TMC1: variants seen among roughly 807,000 people sequenced by gnomAD.
The protein encoded by TMC1 is transmembrane channel-like protein 1.
A neutral mutation model predicts 105.8 loss-of-function variants in TMC1; 84 were observed. The observed-to-expected ratio is 0.79, with a 90% CI of 0.67 to 0.95. The LOEUF is 0.95. TMC1 is among the 40% of genes least tolerant of loss of function. The probability of loss-of-function intolerance (pLI) is 0.00; values close to 1 mark genes in which losing one functional copy is unlikely to be tolerated. For missense variants in TMC1, 817 were observed against 914.1 expected (o/e 0.89, Z 1.37); for synonymous variants, 315 against 311.5 (o/e 1.01, Z -0.12).
intron 1 of TMC1, among the ~76,000 whole-genome samples, chr9:72,533,166 C>G (rs1823526909): frequency 1.3e-5 from 2 of 152,188 alleles, no homozygotes; most frequent in African/African-American, 4.8e-5. Flanking sequence ...GAAGTGCCCT[C>G]TCTTCTTGCT....
At chr9:72,747,258 C>T (rs1298963662) in intron 10 of TMC1, among the ~76,000 whole-genome samples, 1 of 152,112 alleles carries the variant, frequency 6.6e-6, no homozygotes, top group Non-Finnish European at 1.5e-5. Context: ...TAATTCCCTA[C>T]CCCTAAATAG....
chr9:72,562,468 G>A (rs945572248), intron 1 of TMC1, among the ~76,000 whole-genome samples: 1 of 152,142 alleles, frequency 6.6e-6, no homozygotes, highest in Non-Finnish European at 1.5e-5. Context: ...CTGTTTTTCT[G>A]ATGGCTGGAA....
intron 2 of TMC1, among the ~76,000 whole-genome samples, chr9:72,587,847 G>A (rs564701680): frequency 3.3e-5 from 5 of 150,270 alleles, no homozygotes; most frequent in South Asian, 2.1e-4. Context: ...GTGCAGTGGC[G>A]CCATCTCGGC....
chr9:72,797,093 A>G (rs1828384124), intron 17 of TMC1, among the ~76,000 whole-genome samples: 3 of 152,302 alleles, frequency 2.0e-5, no homozygotes, highest in Middle Eastern at 3.4e-3. Context: ...AGAGAGCCAA[A>G]TCATGAATGA....
At chr9:72,598,668 A>C (rs1408465400) in intron 2 of TMC1, among the ~76,000 whole-genome samples, 1 of 152,184 alleles carries the variant, frequency 6.6e-6, no homozygotes, top group East Asian at 1.9e-4. Context: ...CCTGCTAGGA[A>C]GGCCCAACTA....
intron 19 of TMC1, among the ~76,000 whole-genome samples, chr9:72,817,520 C>T (rs890523335): frequency 1.3e-5 from 2 of 152,134 alleles, no homozygotes; most frequent in Non-Finnish European, 2.9e-5. Context: ...AAATGGCTAA[C>T]ACGGCTATGG....
At position 72,837,425 on chromosome 9, in the gene TMC1, G is replaced by C. The variant is rs966997305; in HGVS notation, c.*1452G>C. 6.6e-6 allele frequency: 1 copy of C among 152,142 alleles called. No individual in the cohort carries two copies. Among genetic ancestry groups the C allele is most frequent in the African/African-American group, 2.4e-5 (1 of 41,424 alleles). The allele number at this position is 152,142 out of a possible 1,614,324, so 9.4% of individuals were successfully genotyped here. On this transcript the variant is annotated 3_prime_UTR_variant, in exon 24 of 24. Transcript: ENST00000297784. ...TGACATTCCTGTGGGATGGGTGGTG[G>C]GGGGCCTCTCTTGCCCTGCTTATGT...
chr9:72,691,300 T>C (rs1826463105), intron 6 of TMC1, among the ~76,000 whole-genome samples: 1 of 152,216 alleles, frequency 6.6e-6, no homozygotes, highest in African/African-American at 2.4e-5. Context: ...AATTCATATA[T>C]CTCCATTATA....
intron 12 of TMC1, among the ~76,000 whole-genome samples, chr9:72,760,986 A>C (rs1827747750): frequency 6.6e-6 from 1 of 152,186 alleles, no homozygotes; most frequent in South Asian, 2.1e-4. Context: ...ATGCATGATC[A>C]GCTAGTCTCA....
At chr9:72,694,290 A>G (rs1826513795) in intron 6 of TMC1, among the ~76,000 whole-genome samples, 1 of 152,192 alleles carries the variant, frequency 6.6e-6, no homozygotes, top group South Asian at 2.1e-4. Flanking sequence ...CTTCTTCAAA[A>G]ACTTATTAAA....
intron 4 of TMC1, among the ~76,000 whole-genome samples, chr9:72,638,496 C>T (rs868782964): frequency 1.1e-4 from 17 of 152,262 alleles, no homozygotes; most frequent in African/African-American, 4.1e-4. Context: ...TCATGCTCAC[C>T]GAACTGCAGC....
chr9:72,538,337 A>G (rs1823618640), intron 1 of TMC1, among the ~76,000 whole-genome samples: 1 of 152,142 alleles, frequency 6.6e-6, no homozygotes, highest in East Asian at 1.9e-4. Flanking sequence ...CCTCCACAAG[A>G]GACAACATTG....
chr9:72,609,535 CTG>C (rs1399605558), intron 2 of TMC1, among the ~76,000 whole-genome samples: 2 of 126,804 alleles, frequency 1.6e-5, no homozygotes, highest in Admixed American at 1.6e-4. Context: ...GTGAGTGAGA[CTG>C]TCTCAAAATA....
chr9:72,766,144 G>A (rs140208365), intron 12 of TMC1, among the ~76,000 whole-genome samples: 10 of 152,206 alleles, frequency 6.6e-5, no homozygotes, highest in Non-Finnish European at 1.2e-4. Flanking sequence ...TCGGCTGGGC[G>A]TGGTGGCTCA....
chr9:72,628,513 A>C (rs914900840), intron 4 of TMC1, among the ~76,000 whole-genome samples: 1 of 152,214 alleles, frequency 6.6e-6, no homozygotes, highest in Non-Finnish European at 1.5e-5. Context: ...GTGTGTGGGC[A>C]CACCCTTGTG....
chr9:72,727,359 A>G (rs554885936), intron 8 of TMC1, among the ~76,000 whole-genome samples: 15 of 152,272 alleles, frequency 9.9e-5, no homozygotes, highest in Non-Finnish European at 1.8e-4. Flanking sequence ...TATTTCCTTG[A>G]TTTCTTTTAA....
intron 1 of TMC1, among the ~76,000 whole-genome samples, chr9:72,548,010 G>T (rs186934403): frequency 2.6e-5 from 4 of 152,226 alleles, no homozygotes; most frequent in Non-Finnish European, 5.9e-5. Context: ...TCTTGTGTCT[G>T]TTCTTAGAAG....
intron 17 of TMC1, among the ~76,000 whole-genome samples, chr9:72,801,376 G>A (rs35468312): frequency 0.067 from 10,224 of 152,184 alleles, 401 homozygotes; most frequent in African/African-American, 0.1. Context: ...TATTATTTCC[G>A]TTTTATAGAT....
chr9:72,746,863 C>A (rs1299682885), intron 10 of TMC1, among the ~76,000 whole-genome samples: 4 of 152,132 alleles, frequency 2.6e-5, no homozygotes, highest in Non-Finnish European at 4.4e-5. Context: ...TCACGTCAGC[C>A]TTAAGGGGAT....
Sources: gnomAD v4.1 joint callset for allele counts (sites outside exome capture counted in the v4.1 genomes callset) on GRCh38, gnomAD v4.1.1 for gene constraint, MANE v1.5 for transcripts, NCBI Gene and HGNC (gene_info 2026-07-23, HGNC 2026-07-21) for gene names.